Variants in NDFIP2 observed in about 807,000 individuals in gnomAD.
The protein encoded by NDFIP2 is Nedd4 family interacting protein 2.
Under a neutral mutation model 36.0 loss-of-function variants are expected in NDFIP2, and 19 were observed. That is an observed-to-expected ratio of 0.53 (90% CI 0.37 to 0.77). The LOEUF is 0.77. Ranked by LOEUF, NDFIP2 falls within the 30% of genes least tolerant of loss-of-function variation. NDFIP2 has a pLI of 0.00. For synonymous variants in NDFIP2, 181 were observed against 167.7 expected (o/e 1.08, Z -0.61); for missense variants, 446 against 435.8 (o/e 1.02, Z -0.21).
In NDFIP2 at chr13:79,498,402, A is replaced by G. The variant is rs558010609; in HGVS notation, c.321+16878A>G. Among the ~76,000 whole-genome samples the G allele has an allele frequency of 7.2e-4, 109 of 152,126 alleles. 1 individual carries two copies. Among genetic ancestry groups the G allele is most frequent in the Admixed American group, 9.8e-4 (15 of 15,262 alleles). On this transcript the variant is annotated intron_variant, in intron 1 of 7. Coordinates refer to ENST00000218652, the MANE Select transcript of NDFIP2 (RefSeq NM_019080.3). The stretch of plus-strand genomic sequence containing the variant: ...GTATTATTTATACAAAAATAAAGAA[A>G]TATGAACTTTTCAAAACAGAAAGCA...
intron 4 of NDFIP2, among the ~76,000 whole-genome samples, chr13:79,540,963 G>A (rs567067584): frequency 2.0e-5 from 3 of 152,224 alleles, no homozygotes; most frequent in African/African-American, 7.2e-5. Context: ...AATGAGTGCT[G>A]TTTTGTAATA....
intron 1 of NDFIP2, among the ~76,000 whole-genome samples, chr13:79,504,994 C>G (rs182995621): frequency 6.6e-6 from 1 of 152,300 alleles, no homozygotes; most frequent in East Asian, 1.9e-4. Context: ...TCCATCTGCT[C>G]TTGCATCCTT....
intron 2 of NDFIP2, among the ~76,000 whole-genome samples, chr13:79,532,355 G>A (rs1594855397): frequency 6.6e-6 from 1 of 152,168 alleles, no homozygotes; most frequent in East Asian, 1.9e-4. Context: ...TTGTTATAAT[G>A]GAGGAAAATA....
intron 1 of NDFIP2, among the ~76,000 whole-genome samples, chr13:79,496,024 A>T (rs1022719741): frequency 6.6e-6 from 1 of 151,936 alleles, no homozygotes; most frequent in African/African-American, 2.4e-5. Flanking sequence ...TTATGTTGGG[A>T]ATCCCACCAG....
chr13:79,481,644 T>TG, intron 1 of NDFIP2, 120 bp downstream of exon 1: 1 of 1,274,202 alleles, frequency 7.8e-7, no homozygotes, highest in South Asian at 1.4e-5. Flanking sequence ...TGTTTTGTTT[T>TG]GTTTTTTTGG....
In NDFIP2 at chr13:79,481,493, A is replaced by G; in HGVS notation, c.290A>G (p.His97Arg). ...GATCCCGAGCCGGGCAGGATGGATC[A>G]CCACCAGCCGGGGACTGGGCGCTAC... Reference protein sequence around the residue: ...KPDPEPGRMDHHQPGTGRYQV... With the variant: ...KPDPEPGRMDRHQPGTGRYQV... The change falls in exon 1 of 8, where the codon CAC (histidine) becomes CGC (arginine). Residue 97 changes from histidine to arginine, a missense_variant. Physicochemically the swap from His to Arg is conservative, Grantham distance 29. Around this residue, in one of 2 missense-constraint regions of NDFIP2, gnomAD observed 369 missense variants for 304.8 expected, o/e 1.21. Coordinates refer to ENST00000218652, the MANE Select transcript of NDFIP2 (RefSeq NM_019080.3). 1 of 1,558,000 alleles carries G rather than the reference A, an allele frequency of 6.4e-7. No homozygotes were observed. The highest frequency in any genetic ancestry group is 8.7e-7 in the Non-Finnish European group (1 of 1,150,626).
rs1445951074 is a variant in NDFIP2 at position 79,554,878 on chromosome 13, G to C, written c.*2365G>C. ...AATTATTTCTATTGTAAATGAATAA[G>C]CTAGTCATGGCTAGGATAATCCATT... On this transcript the variant is annotated 3_prime_UTR_variant, in exon 8 of 8. Coordinates refer to ENST00000218652, the MANE Select transcript of NDFIP2 (RefSeq NM_019080.3). 1 of 151,850 alleles carries C rather than the reference G, an allele frequency of 6.6e-6. No homozygotes were observed. Among genetic ancestry groups the C allele is most frequent in the East Asian group, 1.9e-4 (1 of 5,188 alleles). 9.4% of individuals were successfully genotyped at this position (151,850 alleles called of 1,614,324 possible).
chr13:79,546,077 T>C (rs948455757), intron 5 of NDFIP2, among the ~76,000 whole-genome samples: 1 of 152,202 alleles, frequency 6.6e-6, no homozygotes, highest in South Asian at 2.1e-4. Context: ...TCTCAATTCA[T>C]TGCCTATTTT....
At chr13:79,514,285 T>A (rs1215327191) in intron 1 of NDFIP2, among the ~76,000 whole-genome samples, 2 of 152,202 alleles carry the variant, frequency 1.3e-5, no homozygotes, top group South Asian at 2.1e-4. Context: ...GGGCTTTCCA[T>A]CTTATGTCAT....
At position 79,533,337 on chromosome 13, in the gene NDFIP2, G is replaced by A. The variant is rs141843405; in HGVS notation, c.502G>A (p.Gly168Ser). ...VPTTSDTEVY[G>S]EFYPVPPPYS... ...TCTTTCTTCAGATACAGAAGTTTAC[G>A]GTGAGTTTTATCCCGTGCCACCTCC... is the stretch of plus-strand genomic sequence containing the variant. Residue 168 changes from glycine (G) to serine (S), a missense_variant, in exon 3 of 8, where the codon GGT (glycine) becomes AGT (serine). Physicochemically the swap from Gly to Ser is moderately conservative, Grantham distance 56. Transcript: ENST00000218652. 4.7e-4 allele frequency: 747 copies of A among 1,597,986 alleles called. 1 individual carries two copies. Among genetic ancestry groups the A allele is most frequent in the African/African-American group, 2.3e-3 (173 of 74,182 alleles).
At chr13:79,523,385 G>A (rs1002456419) in intron 2 of NDFIP2, among the ~76,000 whole-genome samples, 4 of 151,746 alleles carry the variant, frequency 2.6e-5, no homozygotes, top group East Asian at 3.9e-4. Context: ...CACACCTGGC[G>A]AATTTTGTAT....
chr13:79,482,072 G>C (rs2079816994), intron 1 of NDFIP2, among the ~76,000 whole-genome samples: 2 of 151,426 alleles, frequency 1.3e-5, no homozygotes, highest in South Asian at 4.2e-4. Flanking sequence ...TTGTCTCTCT[G>C]CTCGTTAACC....
intron 2 of NDFIP2, among the ~76,000 whole-genome samples, chr13:79,528,101 A>G (rs1333848437): frequency 6.6e-6 from 1 of 152,156 alleles, no homozygotes; most frequent in Non-Finnish European, 1.5e-5. Flanking sequence ...ATCAACAAAA[A>G]ATACAAAAAT....
At chr13:79,547,850 G>A (rs1396547475) in intron 5 of NDFIP2, among the ~76,000 whole-genome samples, 1 of 152,102 alleles carries the variant, frequency 6.6e-6, no homozygotes, top group Non-Finnish European at 1.5e-5. Flanking sequence ...TTAACAGTAG[G>A]GGGTGTACAG....
At chr13:79,549,778 G>A (rs1875830508) in intron 6 of NDFIP2, among the ~76,000 whole-genome samples, 1 of 151,706 alleles carries the variant, frequency 6.6e-6, no homozygotes, top group African/African-American at 2.4e-5. Context: ...TTTTACATTT[G>A]GATAACAGTA....
chr13:79,532,933 C>A (rs1294283774), intron 2 of NDFIP2, among the ~76,000 whole-genome samples: 1 of 152,086 alleles, frequency 6.6e-6, no homozygotes, highest in Admixed American at 6.6e-5. Context: ...GTTATTATTA[C>A]TTTTTCTTTT....
rs1368510791 is a variant in NDFIP2 at position 79,551,009 on chromosome 13, C to T, written c.908-8C>T. ...CATAGTATATCCATATTATTTCAACCTTCTCAGGCCTGCTCCTTTTCTTCA... is the reference window on the plus strand; with the variant it reads ...CATAGTATATCCATATTATTTCAACTTTCTCAGGCCTGCTCCTTTTCTTCA... On this transcript the variant is annotated splice_polypyrimidine_tract_variant and splice_region_variant and intron_variant, in intron 6 of 7. Transcript: ENST00000218652. 1.3e-6 allele frequency: 2 copies of T among 1,547,272 alleles called. No individual in the cohort carries two copies. The highest frequency in any genetic ancestry group is 1.8e-6 in the Non-Finnish European group (2 of 1,140,080).
At chr13:79,506,969 A>C (rs574763937) in intron 1 of NDFIP2, among the ~76,000 whole-genome samples, 6 of 152,228 alleles carry the variant, frequency 3.9e-5, no homozygotes, top group Admixed American at 3.9e-4. Context: ...TTTATAAAAA[A>C]CAGTAAGAAA....
chr13:79,521,074 A>T, intron 2 of NDFIP2, 99 bp downstream of exon 2: 1 of 949,880 alleles, frequency 1.1e-6, no homozygotes, highest in Non-Finnish European at 1.6e-6. Flanking sequence ...ATAAACATAT[A>T]TACACATGGA....
Sources: gnomAD v4.1 joint callset for allele counts (sites outside exome capture counted in the v4.1 genomes callset) on GRCh38, gnomAD v4.1.1 for gene constraint, gnomAD v4.1.1 regional missense constraint, MANE v1.5 for transcripts, NCBI Gene and HGNC (gene_info 2026-07-23, HGNC 2026-07-21) for gene names.